SLC24A2: variants seen among roughly 807,000 people sequenced by gnomAD.
SLC24A2 encodes solute carrier family 24 member 2, also known as sodium/potassium/calcium exchanger 2.
Under a neutral mutation model 62.0 loss-of-function variants are expected in SLC24A2, and 36 were observed. The ratio of observed to expected loss-of-function variants is 0.58; its 90% CI spans 0.44 to 0.77. The LOEUF is 0.77. Among genes scored for constraint, SLC24A2 ranks in the 30% least tolerant of loss-of-function variants. The pLI is 0.00. For synonymous variants in SLC24A2, 358 were observed against 294.0 expected (o/e 1.22, Z -2.23); for missense variants, 846 against 817.9 (o/e 1.03, Z -0.42).
chr9:20,119,018 G>A, the SLC24A2 span, among the ~76,000 whole-genome samples: 1 of 152,158 alleles, frequency 6.6e-6, no homozygotes, highest in South Asian at 2.1e-4. Flanking sequence ...CATGTTGGGA[G>A]GTCCACATGG....
the SLC24A2 span, among the ~76,000 whole-genome samples, chr9:19,891,695 A>T: frequency 4.9e-4 from 74 of 152,308 alleles, 1 homozygote; most frequent in East Asian, 0.014. Flanking sequence ...GCAGTGAGCT[A>T]TGATCACGCC....
chr9:19,611,454 A>G (rs1837165289), intron 4 of SLC24A2, among the ~76,000 whole-genome samples: 1 of 149,002 alleles, frequency 6.7e-6, no homozygotes, highest in Non-Finnish European at 1.5e-5. Context: ...AAGAGAAGAG[A>G]GGATAGGAGG....
At chr9:19,621,263 A>AATC (rs1477884402) in intron 3 of SLC24A2, among the ~76,000 whole-genome samples, 3 of 152,212 alleles carry the variant, frequency 2.0e-5, no homozygotes, top group Non-Finnish European at 4.4e-5. Flanking sequence ...GATGGAAAAG[A>AATC]ATCAGTGGGG....
chr9:19,525,267 T>C (rs897866371), intron 9 of SLC24A2, among the ~76,000 whole-genome samples: 1 of 152,112 alleles, frequency 6.6e-6, no homozygotes, highest in African/African-American at 2.4e-5. Flanking sequence ...GCCAACATTT[T>C]CTGTGGATTT....
intron 2 of SLC24A2, among the ~76,000 whole-genome samples, chr9:19,732,224 G>A (rs1308285027): frequency 6.6e-6 from 1 of 152,180 alleles, no homozygotes; most frequent in Admixed American, 6.5e-5. Context: ...GGCACATTAT[G>A]TCTGCTGCCA....
chr9:20,275,790 C>G, the SLC24A2 span, among the ~76,000 whole-genome samples: 1 of 152,118 alleles, frequency 6.6e-6, no homozygotes, highest in Non-Finnish European at 1.5e-5. Flanking sequence ...CTGGGGAGGC[C>G]TCACAATCAT....
At chr9:20,192,862 C>T in the SLC24A2 span, among the ~76,000 whole-genome samples, 1 of 152,086 alleles carries the variant, frequency 6.6e-6, no homozygotes, top group African/African-American at 2.4e-5. Flanking sequence ...CAAGACTTCC[C>T]CTCATTCTAT....
At chr9:19,726,897 T>C (rs1164422683) in intron 2 of SLC24A2, among the ~76,000 whole-genome samples, 2 of 152,166 alleles carry the variant, frequency 1.3e-5, no homozygotes, top group African/African-American at 4.8e-5. Flanking sequence ...TGCTCCTGGG[T>C]ACATTTTGTT....
the SLC24A2 span, among the ~76,000 whole-genome samples, chr9:19,982,343 C>G: frequency 6.6e-6 from 1 of 152,122 alleles, no homozygotes; most frequent in Non-Finnish European, 1.5e-5. Flanking sequence ...GTTTCTAAAA[C>G]AGAGCAGAAT....
the SLC24A2 span, among the ~76,000 whole-genome samples, chr9:20,272,872 C>T: frequency 6.6e-6 from 1 of 152,124 alleles, no homozygotes; most frequent in Admixed American, 6.5e-5. Context: ...CTAGGGGATT[C>T]CCCAAGGAGC....
At chr9:20,121,180 A>G in the SLC24A2 span, among the ~76,000 whole-genome samples, 1 of 150,128 alleles carries the variant, frequency 6.7e-6, no homozygotes, top group African/African-American at 2.5e-5. Context: ...TTCAATTGAA[A>G]TTGAATTGCA....
the SLC24A2 span, among the ~76,000 whole-genome samples, chr9:20,233,083 C>A: frequency 1.3e-5 from 2 of 152,096 alleles, no homozygotes; most frequent in South Asian, 4.2e-4. Context: ...GCACTGTGGT[C>A]TGAGAGACAG....
upstream of SLC24A2, among the ~76,000 whole-genome samples, chr9:19,791,356 C>G (rs1231200960): frequency 6.6e-6 from 1 of 152,166 alleles, no homozygotes; most frequent in Non-Finnish European, 1.5e-5. Flanking sequence ...TCACTGATCA[C>G]GACTTGGTCA....
chr9:19,656,041 G>C (rs56094575), intron 2 of SLC24A2, among the ~76,000 whole-genome samples: 1 of 152,082 alleles, frequency 6.6e-6, no homozygotes, highest in Non-Finnish European at 1.5e-5. Flanking sequence ...CTAAAGCCTC[G>C]TCTGCAATTA....
the SLC24A2 span, among the ~76,000 whole-genome samples, chr9:20,229,921 C>A: frequency 7.2e-6 from 1 of 138,052 alleles, no homozygotes; most frequent in African/African-American, 2.7e-5. Context: ...GTGTGATGTT[C>A]CCCTTCCTGT....
At chr9:20,306,986 T>G in the SLC24A2 span, among the ~76,000 whole-genome samples, 1 of 152,134 alleles carries the variant, frequency 6.6e-6, no homozygotes, top group East Asian at 1.9e-4. Flanking sequence ...ATCTTAATGT[T>G]ATTTTCTTAG....
At chr9:20,049,897 T>C in the SLC24A2 span, among the ~76,000 whole-genome samples, 178 of 151,974 alleles carry the variant, frequency 1.2e-3, no homozygotes, top group African/African-American at 4.1e-3. Context: ...TGGGCCCAGA[T>C]ACGAAGAAAA....
intron 4 of SLC24A2, among the ~76,000 whole-genome samples, chr9:19,603,867 G>A (rs374892842): frequency 7.2e-5 from 11 of 152,276 alleles, no homozygotes; most frequent in East Asian, 3.9e-4. Context: ...TCAGAACCCC[G>A]TTGAGGTTCC....
chr9:19,550,237 C>T lies in SLC24A2; in HGVS notation c.1379G>A (p.Ser460Asn). 5.0e-6 allele frequency: 8 copies of T among 1,614,096 alleles called. No homozygotes were observed. Among genetic ancestry groups the T allele is most frequent in the Non-Finnish European group, 5.9e-6 (7 of 1,179,992 alleles). The change falls in exon 8 of 11, where the codon AGC (serine) becomes AAC (asparagine). Residue 460 changes from serine (S) to asparagine (N), a missense_variant. Physicochemically the swap from Ser to Asn is conservative, Grantham distance 46. Transcript: ENST00000341998. ...GCGGGTTTCAGAAGGCCAGGCAAGG[C>T]TGAGAGGCTGGTCCTCCTCCTCATC... The part of the protein sequence containing the change: ...TADEEEDQPL[S>N]LAWPSETRKQ...
Sources: gnomAD v4.1 joint callset for allele counts (sites outside exome capture counted in the v4.1 genomes callset) on GRCh38, gnomAD v4.1.1 for gene constraint, MANE v1.5 for transcripts, NCBI Gene and HGNC (gene_info 2026-07-23, HGNC 2026-07-21) for gene names.